PLEKHG3: variants seen among roughly 807,000 people sequenced by gnomAD.
PLEKHG3 encodes the protein pleckstrin homology and RhoGEF domain containing G3.
PLEKHG3 carries 62 observed loss-of-function variants against 94.9 expected under a neutral mutation model. The observed-to-expected ratio is 0.65, with a 90% confidence interval of 0.53 to 0.81. The LOEUF (loss-of-function observed/expected upper bound fraction) is 0.81. Among genes scored for constraint, PLEKHG3 ranks in the 30% least tolerant of loss-of-function variants. The pLI is 0.00. For synonymous variants in PLEKHG3, 614 were observed against 654.0 expected, an observed-to-expected ratio of 0.94 and a Z score of 0.93; for missense variants, 1,461 against 1,619.3, an observed-to-expected ratio of 0.90 and a Z score of 1.68.
chr14:64,747,379 C>T lies in PLEKHG3; in HGVS notation c.*3676C>T, dbSNP rs1007394856. Reference sequence around the variant, plus strand: ...TTGCTAGGTGAGTGCAGTCACCTCACTGCCTTGGTTTCCCCAGATACAGAA... The same window carrying T: ...TTGCTAGGTGAGTGCAGTCACCTCATTGCCTTGGTTTCCCCAGATACAGAA... On this transcript the variant is annotated 3_prime_UTR_variant, in exon 17 of 17. Transcript: ENST00000247226. The T allele has an allele frequency of 2.0e-5, 3 of 152,730 alleles. No homozygotes were observed. Among genetic ancestry groups the T allele is most frequent in the Admixed American group, 6.5e-5 (1 of 15,290 alleles). The allele number at this position is 152,730 out of a possible 1,614,324, so 9.5% of individuals were successfully genotyped here. A position where few individuals can be genotyped will look rare whatever the true frequency, so the allele number is the denominator to read the frequency against.
intron 1 of PLEKHG3, among the ~76,000 whole-genome samples, chr14:64,710,540 G>T (rs533322003): frequency 4.5e-4 from 69 of 152,176 alleles, no homozygotes; most frequent in Non-Finnish European, 9.3e-4. Flanking sequence ...GCATGGTGGC[G>T]GGCACCCGTA....
chr14:64,737,894 T>G (rs1266322948), intron 14 of PLEKHG3: 2 of 1,207,074 alleles, frequency 1.7e-6, no homozygotes, highest in East Asian at 1.1e-4. Flanking sequence ...TCCTGGACTT[T>G]GGGCAGCCCT....
Position 64,722,450 on chromosome 14 carries a change from C to T in PLEKHG3, c.-39-5143C>T, listed in dbSNP as rs973164788. On this transcript the variant is annotated intron_variant, in intron 1 of 16. Coordinates refer to ENST00000247226, the MANE Select transcript of PLEKHG3 (RefSeq NM_001308147.2). This position sits in a 1 kb window ranked among gnomAD's most constrained non-coding sequence, Gnocchi z 4.3. ...TCTCAAACTCCTCTCAAACTCCTGACCAAAGGTGATCCGCCCACCTCGGCC... is the reference window on the plus strand; with the variant it reads ...TCTCAAACTCCTCTCAAACTCCTGATCAAAGGTGATCCGCCCACCTCGGCC... Among the ~76,000 whole-genome samples the T allele has an allele frequency of 6.6e-6, 1 of 152,150 alleles. No homozygotes were observed.
chr14:64,732,419 C>A lies in PLEKHG3; in HGVS notation c.1213-8C>A, dbSNP rs577835611. 1 of 1,611,744 alleles carries A rather than the reference C, an allele frequency of 6.2e-7. No individual in the cohort carries two copies. Among genetic ancestry groups the A allele is most frequent in the African/African-American group, 1.3e-5 (1 of 74,874 alleles). ...GGTAATAACCAGGTGTGTTTCCTTC[C>A]CCTTCAGGCCAAGGAAGCCATCTTG... On this transcript the variant is annotated splice_polypyrimidine_tract_variant and splice_region_variant and intron_variant, in intron 10 of 16. Transcript: ENST00000247226. The surrounding 1 kb of genome is among the most constrained non-coding windows in gnomAD (Gnocchi z 4.9).
chr14:64,709,929 A>G (rs995871785), intron 1 of PLEKHG3, among the ~76,000 whole-genome samples: 1 of 152,222 alleles, frequency 6.6e-6, no homozygotes, highest in Non-Finnish European at 1.5e-5. Flanking sequence ...AAATGCTCAC[A>G]CTATGAATGT....
chr14:64,738,670 G>T lies in PLEKHG3; in HGVS notation c.1405-72G>T, dbSNP rs573309818. On this transcript the variant is annotated intron_variant, in intron 14 of 16. Coordinates refer to ENST00000247226, the MANE Select transcript of PLEKHG3 (RefSeq NM_001308147.2). This position sits in a 1 kb window ranked among gnomAD's most constrained non-coding sequence, Gnocchi z 4.8. ...AGCCCCTTGGGGCGTGGGAGGCACT[G>T]CCCGTGTTGGGATGCAGAAGGGATC... 5.4e-6 allele frequency: 6 copies of T among 1,101,800 alleles called. No homozygotes were observed. The East Asian group carries it at 7.7e-5, about 14-fold the overall frequency. The allele number at this position is 1,101,800 out of a possible 1,614,324, so 68.3% of individuals were successfully genotyped here. A position where few individuals can be genotyped will look rare whatever the true frequency, so the allele number is the denominator to read the frequency against.
chr14:64,707,890 C>T (rs2080998045), intron 1 of PLEKHG3, among the ~76,000 whole-genome samples: 1 of 152,210 alleles, frequency 6.6e-6, no homozygotes, highest in Non-Finnish European at 1.5e-5. Flanking sequence ...AGTTAGTCAT[C>T]ATACTTACCA....
chr14:64,743,553 G>T lies in PLEKHG3; in HGVS notation c.3510G>T (p.Pro1170=), dbSNP rs774358730. The T allele has an allele frequency of 6.2e-7, 1 of 1,612,810 alleles. No individual in the cohort carries two copies. Among genetic ancestry groups the T allele is most frequent in the Non-Finnish European group, 8.5e-7 (1 of 1,179,932 alleles). The change falls in exon 17 of 17, where the codon CCG becomes CCT. Residue 1170 remains proline (P), a synonymous_variant. Transcript: ENST00000247226. This position sits in a 1 kb window ranked among gnomAD's most constrained non-coding sequence, Gnocchi z 7.2. Reference sequence around the variant, plus strand: ...GCAGTGGCCAGGGACCAAGCTCACCGGTGGCCCTGCTGGGGCAGGTTCAGG... The same window carrying T: ...GCAGTGGCCAGGGACCAAGCTCACCTGTGGCCCTGCTGGGGCAGGTTCAGG... ...EESSGQGPSS[P]VALLGQVQDF...
rs547278550 is a variant in PLEKHG3, at chr14:64,745,397, C to T, written c.*1694C>T. On this transcript the variant is annotated 3_prime_UTR_variant, in exon 17 of 17. Transcript: ENST00000247226. This position sits in a 1 kb window ranked among gnomAD's most constrained non-coding sequence, Gnocchi z 5.0. ...GGTCAGGGCCCTGTGGGCCTTCTGACCCAACCTGAAGATGGGTCTGCTAAG... is the reference window on the plus strand; with the variant it reads ...GGTCAGGGCCCTGTGGGCCTTCTGATCCAACCTGAAGATGGGTCTGCTAAG... 4 of 152,332 alleles carry T rather than the reference C, an allele frequency of 2.6e-5. No homozygotes were observed. The highest frequency in any genetic ancestry group is 9.6e-5 in the African/African-American group (4 of 41,588). 9.4% of individuals were successfully genotyped at this position (152,332 alleles called of 1,614,324 possible).
rs3063751 is a variant in PLEKHG3, at chr14:64,717,112, C to CGTGTGTGTGTGTGT, written c.-39-10457_-39-10444dup. On this transcript the variant is annotated intron_variant, in intron 1 of 16. Transcript: ENST00000247226. This position sits in a 1 kb window ranked among gnomAD's most constrained non-coding sequence, Gnocchi z 4.7. ...GGCTGGCCGCCTTTGGGAATTTACA[C>CGTGTGTGTGTGTGT]GTGTGTGTGTGTGTGTGTGTGTGTG... 1.7e-4 allele frequency among the ~76,000 whole-genome samples: 25 copies of CGTGTGTGTGTGTGT among 144,372 alleles called. No homozygotes were observed. Among genetic ancestry groups the CGTGTGTGTGTGTGT allele is most frequent in the South Asian group, 4.6e-4 (2 of 4,346 alleles). The allele number at this position is 144,372 out of a possible 152,430, so 94.7% of individuals were successfully genotyped here. A position where few individuals can be genotyped will look rare whatever the true frequency, so the allele number is the denominator to read the frequency against.
rs2081492661 is a variant in PLEKHG3, at chr14:64,732,741, G to T, written c.1247-62G>T. On this transcript the variant is annotated intron_variant, in intron 11 of 16. Transcript: ENST00000247226. This position sits in a 1 kb window ranked among gnomAD's most constrained non-coding sequence, Gnocchi z 4.9. ...AGAGGTCTGGCTGGTTATGGACAGG[G>T]TCTAGGGTAGGCCAAGGCCAATTGG... 2 of 1,303,360 alleles carry T rather than the reference G, an allele frequency of 1.5e-6. No homozygotes were observed. Among genetic ancestry groups the T allele is most frequent in the South Asian group, 1.3e-5 (1 of 78,334 alleles). The allele number at this position is 1,303,360 out of a possible 1,614,324, so 80.7% of individuals were successfully genotyped here.
At chr14:64,736,105 C>T (rs2081563630) in intron 12 of PLEKHG3, among the ~76,000 whole-genome samples, 2 of 152,196 alleles carry the variant, frequency 1.3e-5, no homozygotes, top group Non-Finnish European at 2.9e-5. Context: ...CCTGGGCCTC[C>T]CACTTACCGC....
At chr14:64,708,252 C>A (rs747379204) in intron 1 of PLEKHG3, among the ~76,000 whole-genome samples, 3 of 152,202 alleles carry the variant, frequency 2.0e-5, no homozygotes, top group Admixed American at 6.5e-5. Context: ...GACCACCCCC[C>A]TCTTGCTCTG....
chr14:64,743,664 C>T lies in PLEKHG3; in HGVS notation c.3621C>T (p.Asn1207=). The T allele has an allele frequency of 4.4e-6, 7 of 1,596,682 alleles. No individual in the cohort carries two copies. Among genetic ancestry groups the T allele is most frequent in the Non-Finnish European group, 6.0e-6 (7 of 1,172,428 alleles). The change falls in exon 17 of 17, where the codon AAC becomes AAT. Residue 1207 remains asparagine (N), a synonymous_variant. Transcript: ENST00000247226. The surrounding 1 kb of genome is among the most constrained non-coding windows in gnomAD (Gnocchi z 7.2). The part of the protein sequence containing the change: ...ADPSQQGRVR[N]LREKFQALNS... ...CGAGCCAGCAGGGCAGAGTGAGAAA[C>T]CTTAGAGAGAAGTTCCAGGCCTTGA... is the stretch of plus-strand genomic sequence containing the variant.
At position 64,725,551 on chromosome 14, in the gene PLEKHG3, T is replaced by C. The variant is rs1380172182; in HGVS notation, c.-39-2042T>C. 6.6e-6 allele frequency among the ~76,000 whole-genome samples: 1 copy of C among 152,182 alleles called. No homozygotes were observed. ...TGTAAAAGGCATAGCTGATTAATTG[T>C]AAAGGCCCTTTTGAGGAGGGAGGAA... On this transcript the variant is annotated intron_variant, in intron 1 of 16. Coordinates refer to ENST00000247226, the MANE Select transcript of PLEKHG3 (RefSeq NM_001308147.2). The surrounding 1 kb of genome is among the most constrained non-coding windows in gnomAD (Gnocchi z 5.0).
rs1471915522 is a variant in PLEKHG3 at position 64,721,089 on chromosome 14, A to T, written c.-39-6504A>T. Among the ~76,000 whole-genome samples, 1 of 152,200 alleles carries T rather than the reference A, an allele frequency of 6.6e-6. No individual in the cohort carries two copies. Among genetic ancestry groups the T allele is most frequent in the African/African-American group, 2.4e-5 (1 of 41,442 alleles). On this transcript the variant is annotated intron_variant, in intron 1 of 16. Coordinates refer to ENST00000247226, the MANE Select transcript of PLEKHG3 (RefSeq NM_001308147.2). This position sits in a 1 kb window ranked among gnomAD's most constrained non-coding sequence, Gnocchi z 4.3. ...CTTCTATGTGTCCCTTTTGCCATATAAGGTGACATTCATAGGTTGAGGGTC... is the reference window on the plus strand; with the variant it reads ...CTTCTATGTGTCCCTTTTGCCATATTAGGTGACATTCATAGGTTGAGGGTC...
In PLEKHG3 at chr14:64,741,110, G is replaced by A. The variant is rs1394250221; in HGVS notation, c.1593G>A (p.Thr531=). 2.0e-5 allele frequency: 32 copies of A among 1,613,718 alleles called. 1 individual carries two copies. The highest frequency in any genetic ancestry group is 5.5e-5 in the South Asian group (5 of 91,064). Residue 531 remains threonine (T), a synonymous_variant, in exon 16 of 17, where the codon ACG becomes ACA. Transcript: ENST00000247226. ...TGGAAGGGCCCAGTGCCGAGGAGACGCCTTCAGACACAGAATCTCCAGAAG... is the reference window on the plus strand; with the variant it reads ...TGGAAGGGCCCAGTGCCGAGGAGACACCTTCAGACACAGAATCTCCAGAAG... ...SAVEGPSAEE[T]PSDTESPEVL... is the part of the protein sequence containing the mutation.
intron 15 of PLEKHG3, among the ~76,000 whole-genome samples, chr14:64,740,059 A>T (rs1246350441): frequency 1.3e-5 from 2 of 152,372 alleles, no homozygotes; most frequent in Non-Finnish European, 1.5e-5. Context: ...AATCAACATA[A>T]AAAGTTACTG....
Position 64,716,453 on chromosome 14 carries a change from CACACACACACACA to C in PLEKHG3, c.-39-11126_-39-11114del, listed in dbSNP as rs1248595160. Among the ~76,000 whole-genome samples, 146 of 135,992 alleles carry C rather than the reference CACACACACACACA, an allele frequency of 1.1e-3. No homozygotes were observed. The highest frequency in any genetic ancestry group is 9.0e-3 in the South Asian group (37 of 4,116). The allele number at this position is 135,992 out of a possible 152,430, so 89.2% of individuals were successfully genotyped here. On this transcript the variant is annotated intron_variant, in intron 1 of 16. Transcript: ENST00000247226. The surrounding 1 kb of genome is among the most constrained non-coding windows in gnomAD (Gnocchi z 5.0). The stretch of plus-strand genomic sequence containing the variant: ...AGGGCCCTACACACACACACACACA[CACACACACACACA>C]ACACACACACACACAACACACACAC...
Sources: allele counts gnomAD v4.1 joint callset (sites outside exome capture counted in the v4.1 genomes callset), GRCh38; gene constraint gnomAD v4.1.1; non-coding constraint Gnocchi (gnomAD v3.1); transcripts MANE v1.5; gene names NCBI Gene and HGNC (gene_info 2026-07-23, HGNC 2026-07-21).